The following CNP variants were observed in gnomAD, a reference collection of about 807,000 sequenced individuals.
CNP encodes the protein 2',3'-cyclic-nucleotide 3'-phosphodiesterase.
Under a neutral mutation model 37.9 loss-of-function variants are expected in CNP, and 8 were observed. The observed-to-expected ratio is 0.21, with a 90% CI of 0.12 to 0.38. CNP has a LOEUF of 0.38. Among genes scored for constraint, CNP ranks in the 10% least tolerant of loss-of-function variants. The pLI is 1.00. For synonymous variants in CNP, 237 were observed against 238.3 expected (o/e 0.99, Z 0.05); for missense variants, 457 against 551.0 (o/e 0.83, Z 1.71).
chr17:41,969,681 G>A (rs2050956366), intron 2 of CNP, among the ~76,000 whole-genome samples: 2 of 151,958 alleles, frequency 1.3e-5, no homozygotes, highest in South Asian at 2.1e-4. Flanking sequence ...TCAGCCTCTC[G>A]AGTAGCTAGG....
intron 3 of CNP, 129 bp downstream of exon 3, chr17:41,972,160 A>C: frequency 8.8e-7 from 1 of 1,133,592 alleles, no homozygotes; most frequent in South Asian, 1.5e-5. Flanking sequence ...GAAAAATGGC[A>C]TCTCCTCCTC....
chr17:41,973,962 G>A lies in CNP; in HGVS notation c.*38G>A, dbSNP rs782730083. 2.2e-5 allele frequency: 31 copies of A among 1,415,624 alleles called. No homozygotes were observed. Among genetic ancestry groups the A allele is most frequent in the Non-Finnish European group, 2.8e-5 (30 of 1,082,994 alleles). 87.7% of individuals were successfully genotyped at this position (1,415,624 alleles called of 1,614,324 possible). A position where few individuals can be genotyped will look rare whatever the true frequency, so the allele number is the denominator to read the frequency against. On this transcript the variant is annotated 3_prime_UTR_variant, in exon 4 of 4. Coordinates refer to ENST00000393892, the MANE Select transcript of CNP (RefSeq NM_033133.5). Reference sequence around the variant, plus strand: ...CCACTTATGCCCCTAGAAGGGAAGGGGAGAGGGAAACGTGCCCTCTGTTTG... The same window carrying A: ...CCACTTATGCCCCTAGAAGGGAAGGAGAGAGGGAAACGTGCCCTCTGTTTG...
intron 3 of CNP, 147 bp from the exon 4 acceptor site, chr17:41,973,328 A>G (rs575095739): frequency 1.3e-6 from 1 of 762,454 alleles, no homozygotes; most frequent in Admixed American, 2.3e-5. Context: ...TTGTTAGTGG[A>G]TGCTGGGCCT....
At chr17:41,972,060 A>G in intron 3 of CNP, 29 bp downstream of exon 3, 1 of 1,608,526 alleles carries the variant, frequency 6.2e-7, no homozygotes, top group Non-Finnish European at 8.5e-7. Flanking sequence ...CACATGGGGG[A>G]GGTGGGAGGT....
chr17:41,972,076 G>A, intron 3 of CNP, 45 bp downstream of exon 3: 5 of 1,605,452 alleles, frequency 3.1e-6, no homozygotes, highest in East Asian at 2.2e-5. Context: ...GAGGTTGGGG[G>A]AGAAGGGGCT....
In CNP at chr17:41,977,207, A is replaced by G; in HGVS notation, c.*3283A>G. 5 of 1,532,626 alleles carry G rather than the reference A, an allele frequency of 3.3e-6. No homozygotes were observed. Among genetic ancestry groups the G allele is most frequent in the Admixed American group, 2.0e-5 (1 of 51,192 alleles). 94.9% of individuals were successfully genotyped at this position (1,532,626 alleles called of 1,614,324 possible). On this transcript the variant is annotated 3_prime_UTR_variant, in exon 4 of 4. Transcript: ENST00000393892. Reference sequence around the variant, plus strand: ...CTCCCAAAGAGCTGCCTAAGAGGCAATGAGTGTGTTGGCTTGTGATCTGGG... The same window carrying G: ...CTCCCAAAGAGCTGCCTAAGAGGCAGTGAGTGTGTTGGCTTGTGATCTGGG...
At chr17:41,972,115 G>A (rs2050999251) in intron 3 of CNP, 84 bp downstream of exon 3, 2 of 1,533,024 alleles carry the variant, frequency 1.3e-6, no homozygotes, top group African/African-American at 1.4e-5. Flanking sequence ...AGGTACCGGT[G>A]CCAGGCAGGG....
chr17:41,968,568 G>A lies in CNP; in HGVS notation c.504G>A (p.Gln168=). ...CAQLKEKNQW[Q]LSADDLKKLK... is the part of the protein sequence containing the mutation. The stretch of plus-strand genomic sequence containing the variant: ...AGCTCAAGGAGAAGAACCAGTGGCA[G>A]CTGTCGGCTGATGACCTGAAGAAGC... The change falls in exon 2 of 4, where the codon CAG becomes CAA. Residue 168 remains glutamine, a synonymous_variant. Coordinates refer to ENST00000393892, the MANE Select transcript of CNP (RefSeq NM_033133.5). This position sits in a 1 kb window ranked among gnomAD's most constrained non-coding sequence, Gnocchi z 4.8. The A allele has an allele frequency of 1.2e-6, 2 of 1,614,078 alleles. No homozygotes were observed. Among genetic ancestry groups the A allele is most frequent in the Non-Finnish European group, 1.7e-6 (2 of 1,180,028 alleles).
In CNP at chr17:41,975,234, T is replaced by A. The variant is rs2051059158; in HGVS notation, c.*1310T>A. 6.5e-6 allele frequency: 1 copy of A among 152,674 alleles called. No individual in the cohort carries two copies. The highest frequency in any genetic ancestry group is 1.5e-5 in the Non-Finnish European group (1 of 68,086). The allele number at this position is 152,674 out of a possible 1,614,324, so 9.5% of individuals were successfully genotyped here. A position where few individuals can be genotyped will look rare whatever the true frequency, so the allele number is the denominator to read the frequency against. On this transcript the variant is annotated 3_prime_UTR_variant, in exon 4 of 4. Coordinates refer to ENST00000393892, the MANE Select transcript of CNP (RefSeq NM_033133.5). ...GCTCAGTCTTCCCTAGGGCTGGGTGTATTAGGACTGGCTTTGTCCCACAGC... is the reference window on the plus strand; with the variant it reads ...GCTCAGTCTTCCCTAGGGCTGGGTGAATTAGGACTGGCTTTGTCCCACAGC...
At chr17:41,972,094 C>A in intron 3 of CNP, 63 bp downstream of exon 3, 1 of 1,589,242 alleles carries the variant, frequency 6.3e-7, no homozygotes. Context: ...GCTGCAGCAT[C>A]TTCTGAAGAT....
At chr17:41,971,177 TGA>T (rs2050982317) in intron 2 of CNP, 1 of 152,224 alleles carries the variant, frequency 6.6e-6, no homozygotes, top group African/African-American at 2.4e-5. Context: ...ATGGCAGAGC[TGA>T]GATATTCACT....
In CNP at chr17:41,976,796, G is replaced by A. The variant is rs551479926; in HGVS notation, c.*2872G>A. The A allele has an allele frequency of 5.6e-6, 9 of 1,603,412 alleles. No individual in the cohort carries two copies. Among genetic ancestry groups the A allele is most frequent in the Non-Finnish European group, 7.6e-6 (9 of 1,177,702 alleles). Reference sequence around the variant, plus strand: ...CTGAAAGAGAAAAGAGGGGTTGGTAGTTGGCTATGGATTTTCTAAGGAAGA... The same window carrying A: ...CTGAAAGAGAAAAGAGGGGTTGGTAATTGGCTATGGATTTTCTAAGGAAGA... On this transcript the variant is annotated 3_prime_UTR_variant, in exon 4 of 4. Transcript: ENST00000393892.
rs1435267592 is a variant in CNP, at chr17:41,975,871, T to C, written c.*1947T>C. 6.6e-6 allele frequency: 1 copy of C among 152,262 alleles called. No individual in the cohort carries two copies. Among genetic ancestry groups the C allele is most frequent in the African/African-American group, 2.4e-5 (1 of 41,448 alleles). 9.4% of individuals were successfully genotyped at this position (152,262 alleles called of 1,614,324 possible). ...ACGCTTGACAGGACAGCATGGTGCA[T>C]GCCGCTGCATCCGTGAGCAGTGTGT... On this transcript the variant is annotated 3_prime_UTR_variant, in exon 4 of 4. Transcript: ENST00000393892.
chr17:41,969,490 G>C (rs1302938042), intron 2 of CNP, among the ~76,000 whole-genome samples: 3 of 152,168 alleles, frequency 2.0e-5, no homozygotes, highest in Admixed American at 6.5e-5. Flanking sequence ...GGAGTGACCT[G>C]TTGGAGAAGT....
Position 41,966,827 on chromosome 17 carries a change from G to T in CNP, c.-58G>T. On this transcript the variant is annotated 5_prime_UTR_variant, in exon 1 of 4. Transcript: ENST00000393892. ...GACTCCCGTGTCCCTCCGCGCAGGCGGGCGGCCCCGGAGCGCTGGTGCCGG... is the reference window on the plus strand; with the variant it reads ...GACTCCCGTGTCCCTCCGCGCAGGCTGGCGGCCCCGGAGCGCTGGTGCCGG... 7.3e-7 allele frequency: 1 copy of T among 1,378,054 alleles called. No homozygotes were observed. The highest frequency in any genetic ancestry group is 9.4e-7 in the Non-Finnish European group (1 of 1,067,264). The allele number at this position is 1,378,054 out of a possible 1,614,324, so 85.4% of individuals were successfully genotyped here. A position where few individuals can be genotyped will look rare whatever the true frequency, so the allele number is the denominator to read the frequency against.
rs1400977106 is a variant in CNP, at chr17:41,977,489, C to T, written c.*3565C>T. 3.4e-6 allele frequency: 2 copies of T among 587,324 alleles called. No homozygotes were observed. Among genetic ancestry groups the T allele is most frequent in the East Asian group, 3.0e-5 (1 of 33,368 alleles). 36.4% of individuals were successfully genotyped at this position (587,324 alleles called of 1,614,324 possible). On this transcript the variant is annotated 3_prime_UTR_variant, in exon 4 of 4. Transcript: ENST00000393892. ...TGCAAGTGAGCAAACCTGCCCCATC[C>T]CGTGCAAAACATGCTACCTGATCCC...
At chr17:41,973,037 G>T (rs542396363) in intron 3 of CNP, among the ~76,000 whole-genome samples, 1 of 152,204 alleles carries the variant, frequency 6.6e-6, no homozygotes, top group Non-Finnish European at 1.5e-5. Context: ...GAAGCTGAGC[G>T]GTGCCAACAG....
chr17:41,970,634 A>G (rs1555643651), intron 2 of CNP: 1 of 152,142 alleles, frequency 6.6e-6, no homozygotes, highest in African/African-American at 2.4e-5. Context: ...CCCCGCCTCA[A>G]TTTCCCAAAT....
Position 41,975,185 on chromosome 17 carries a change from GTC to G in CNP, c.*1267_*1268del, listed in dbSNP as rs1390775905. 6 of 152,558 alleles carry G rather than the reference GTC, an allele frequency of 3.9e-5. No homozygotes were observed. The highest frequency in any genetic ancestry group is 1.4e-4 in the African/African-American group (6 of 41,470). 9.5% of individuals were successfully genotyped at this position (152,558 alleles called of 1,614,324 possible). A position where few individuals can be genotyped will look rare whatever the true frequency, so the allele number is the denominator to read the frequency against. On this transcript the variant is annotated 3_prime_UTR_variant, in exon 4 of 4. Transcript: ENST00000393892. ...ATCATGTTAATCCTAGCTGTGTGCA[GTC>G]TCTCTTACCCTTCTGTGCCCAGCTC...
Sources: allele counts gnomAD v4.1 joint callset (sites outside exome capture counted in the v4.1 genomes callset), GRCh38; gene constraint gnomAD v4.1.1; non-coding constraint Gnocchi (gnomAD v3.1); transcripts MANE v1.5; gene names NCBI Gene and HGNC (gene_info 2026-07-23, HGNC 2026-07-21).